The following PDE10A variants were observed in gnomAD, a reference collection of about 807,000 sequenced individuals.
PDE10A encodes cAMP and cAMP-inhibited cGMP 3',5'-cyclic phosphodiesterase 10A.
Under a neutral mutation model 97.7 loss-of-function variants are expected in PDE10A, and 39 were observed. The observed-to-expected ratio is 0.40, with a 90% confidence interval of 0.31 to 0.52. The LOEUF is 0.52. Ranked by LOEUF, PDE10A falls within the 20% of genes least tolerant of loss-of-function variation. The pLI is 0.56. For synonymous variants in PDE10A, 371 were observed against 376.8 expected (o/e 0.98, Z 0.18); for missense variants, 731 against 1,047.8 (o/e 0.70, Z 4.17).
intron 1 of PDE10A, among the ~76,000 whole-genome samples, chr6:165,668,996 A>C (rs1406589809): frequency 6.6e-6 from 1 of 152,224 alleles, no homozygotes; most frequent in Non-Finnish European, 1.5e-5. Flanking sequence ...CTGATGCCTC[A>C]TGATAGAAGC....
chr6:165,704,526 C>A (rs1293633978), intron 1 of PDE10A, among the ~76,000 whole-genome samples: 2 of 152,132 alleles, frequency 1.3e-5, no homozygotes, highest in Non-Finnish European at 2.9e-5. Flanking sequence ...ACACATGATC[C>A]CATCTGTCAC....
chr6:165,811,668 C>T (rs964738169), intron 1 of PDE10A, among the ~76,000 whole-genome samples: 35 of 152,172 alleles, frequency 2.3e-4, no homozygotes, highest in African/African-American at 7.7e-4. Context: ...GCTCACCAAC[C>T]GGCTCTGCTT....
At chr6:165,825,228 G>A (rs1250304274) in intron 1 of PDE10A, among the ~76,000 whole-genome samples, 4 of 151,926 alleles carry the variant, frequency 2.6e-5, no homozygotes, top group Non-Finnish European at 4.4e-5. Flanking sequence ...CGTTCCTGAT[G>A]TGAGCAGGGC....
chr6:165,975,579 A>G (rs948360092), intron 1 of PDE10A, among the ~76,000 whole-genome samples: 6 of 152,238 alleles, frequency 3.9e-5, no homozygotes, highest in African/African-American at 1.2e-4. Context: ...GAAGTTTCCA[A>G]CTTTAATGAG....
chr6:165,690,282 C>A (rs1395590493), intron 1 of PDE10A, among the ~76,000 whole-genome samples: 1 of 152,210 alleles, frequency 6.6e-6, no homozygotes, highest in Non-Finnish European at 1.5e-5. Context: ...CCCATGGTCT[C>A]CACTCCAGTC....
rs891533677 is a variant in PDE10A, at chr6:165,854,779, G to T, written c.-615+132750C>A. ...GGAGGGCAGCTGCCCCGGGCAGAGC[G>T]ACTGGAGGAGCGCAGGGCGCGCCAG... On this transcript the variant is annotated intron_variant, in intron 1 of 19. Transcript: ENST00000366882. 1.6e-4 allele frequency among the ~76,000 whole-genome samples: 25 copies of T among 152,300 alleles called. 1 individual carries two copies. Among genetic ancestry groups the T allele is most frequent in the Middle Eastern group, 6.8e-3 (2 of 292 alleles).
intron 1 of PDE10A, among the ~76,000 whole-genome samples, chr6:165,930,395 T>C (rs1211511937): frequency 1.3e-5 from 2 of 152,160 alleles, no homozygotes; most frequent in African/African-American, 4.8e-5. Context: ...AAGGAAACAC[T>C]TGAATTTCCT....
intron 1 of PDE10A, among the ~76,000 whole-genome samples, chr6:165,875,084 A>G (rs944608034): frequency 2.6e-5 from 4 of 152,206 alleles, no homozygotes; most frequent in African/African-American, 9.6e-5. Flanking sequence ...GTTATTAAGA[A>G]AGGTTTGGGG....
chr6:165,345,011 C>A (rs16897711), intron 18 of PDE10A, among the ~76,000 whole-genome samples: 2,158 of 151,968 alleles, frequency 0.014, 48 homozygotes, highest in African/African-American at 0.049. Context: ...GAACTTCTAA[C>A]GTAATGAATA....
chr6:165,954,431 A>T (rs187290944), intron 1 of PDE10A, among the ~76,000 whole-genome samples: 13 of 152,320 alleles, frequency 8.5e-5, no homozygotes, highest in Admixed American at 6.5e-4. Context: ...TTGGTTCTAG[A>T]CATTCACAGT....
chr6:165,714,205 C>G (rs1016816032), intron 1 of PDE10A, among the ~76,000 whole-genome samples: 4 of 152,190 alleles, frequency 2.6e-5, no homozygotes, highest in African/African-American at 7.2e-5. Flanking sequence ...GCCTCATACA[C>G]AGAACCAAGC....
intron 1 of PDE10A, among the ~76,000 whole-genome samples, chr6:165,783,707 C>T (rs1327963110): frequency 3.3e-5 from 5 of 152,166 alleles, no homozygotes; most frequent in Non-Finnish European, 7.3e-5. Flanking sequence ...CCGTTACTAG[C>T]CCTGTGTAAG....
intron 3 of PDE10A, among the ~76,000 whole-genome samples, chr6:165,460,947 G>A (rs200960745): frequency 2.0e-5 from 3 of 152,232 alleles, no homozygotes; most frequent in East Asian, 3.9e-4. Context: ...TTTTGATGGC[G>A]GCCGTTGTTA....
rs572237285 is a variant in PDE10A, at chr6:165,968,749, A to C, written c.-615+18780T>G. Among the ~76,000 whole-genome samples the C allele has an allele frequency of 5.9e-5, 9 of 152,356 alleles. No individual in the cohort carries two copies. In the South Asian group the frequency reaches 1.9e-3, roughly 32 times the overall value. On this transcript the variant is annotated intron_variant, in intron 1 of 19. Coordinates refer to the PDE10A transcript ENST00000366882. ...AAGATTATATCTATGAGCAAAAAAGATGTGATAAATTTTTATCTCTAACAT... is the reference window on the plus strand; with the variant it reads ...AAGATTATATCTATGAGCAAAAAAGCTGTGATAAATTTTTATCTCTAACAT...
At chr6:165,793,610 G>T (rs1778720338) in intron 1 of PDE10A, among the ~76,000 whole-genome samples, 1 of 152,204 alleles carries the variant, frequency 6.6e-6, no homozygotes, top group Non-Finnish European at 1.5e-5. Context: ...AGCAGAGCAA[G>T]CGATTGGGGC....
intron 1 of PDE10A, among the ~76,000 whole-genome samples, chr6:165,839,828 T>TCTCCCAC (rs1780174976): frequency 1.2e-4 from 1 of 8,362 alleles, no homozygotes; most frequent in African/African-American, 4.4e-4. Context: ...CCATCTCCAA[T>TCTCCCAC]CTCGTCTCCA....
At position 165,819,620 on chromosome 6, in the gene PDE10A, G is replaced by A. The variant is rs1779513612; in HGVS notation, c.-615+167909C>T. On this transcript the variant is annotated intron_variant, in intron 1 of 19. Transcript: ENST00000366882. The surrounding 1 kb of genome is among the most constrained non-coding windows in gnomAD (Gnocchi z 4.2). ...TGCCGGACACAGTCAGGCAGAGCCG[G>A]TTGCTCCTCCCCTGGTTTCCGTGGT... Among the ~76,000 whole-genome samples, 1 of 152,162 alleles carries A rather than the reference G, an allele frequency of 6.6e-6. No homozygotes were observed. Among genetic ancestry groups the A allele is most frequent in the African/African-American group, 2.4e-5 (1 of 41,430 alleles).
chr6:165,343,540 T>C (rs993259247), intron 18 of PDE10A, 38 bp from the exon 19 acceptor site: 4 of 1,410,168 alleles, frequency 2.8e-6, no homozygotes, highest in Non-Finnish European at 4.0e-6. Flanking sequence ...AGCATAGCAT[T>C]TGCACATTTA....
intron 2 of PDE10A, among the ~76,000 whole-genome samples, chr6:165,532,337 T>C (rs896584810): frequency 1.3e-5 from 2 of 151,396 alleles, no homozygotes; most frequent in African/African-American, 4.9e-5. Context: ...GCATATCTAG[T>C]ATGTGCGTAA....
Sources: allele counts gnomAD v4.1 joint callset (sites outside exome capture counted in the v4.1 genomes callset), GRCh38; gene constraint gnomAD v4.1.1; non-coding constraint Gnocchi (gnomAD v3.1); transcripts MANE v1.5; gene names NCBI Gene and HGNC (gene_info 2026-07-23, HGNC 2026-07-21).